CNTNAP5: variants seen among roughly 807,000 people sequenced by gnomAD.
The protein encoded by CNTNAP5 is contactin-associated protein-like 5.
CNTNAP5 carries 72 observed loss-of-function variants against 150.2 expected under a neutral mutation model. The observed-to-expected ratio is 0.48, with a 90% CI of 0.40 to 0.58. The LOEUF is 0.58. Among genes scored for constraint, CNTNAP5 ranks in the 20% least tolerant of loss-of-function variants. CNTNAP5 has a pLI of 0.00. For synonymous variants in CNTNAP5, 672 were observed against 619.8 expected, an observed-to-expected ratio of 1.08 and a Z score of -1.25; for missense variants, 1,636 against 1,626.2, an observed-to-expected ratio of 1.01 and a Z score of -0.10.
At chr2:124,261,537 A>C (rs1183168651) in intron 3 of CNTNAP5, among the ~76,000 whole-genome samples, 2 of 152,058 alleles carry the variant, frequency 1.3e-5, no homozygotes, top group Non-Finnish European at 2.9e-5. Context: ...ATTTCCCAAT[A>C]CCCCTACTCC....
intron 11 of CNTNAP5, among the ~76,000 whole-genome samples, chr2:124,587,506 T>C (rs1156482568): frequency 6.6e-6 from 1 of 152,230 alleles, no homozygotes; most frequent in African/African-American, 2.4e-5. Flanking sequence ...CAAATTCTAG[T>C]GTGCATAAAT....
chr2:124,745,917 G>C (rs1680594237), intron 13 of CNTNAP5, among the ~76,000 whole-genome samples: 1 of 152,206 alleles, frequency 6.6e-6, no homozygotes, highest in African/African-American at 2.4e-5. Flanking sequence ...CTTTCATGGG[G>C]ATGATAGCCT....
At chr2:124,871,804 C>A (rs576575608) in intron 21 of CNTNAP5, among the ~76,000 whole-genome samples, 1 of 152,082 alleles carries the variant, frequency 6.6e-6, no homozygotes, top group African/African-American at 2.4e-5. Flanking sequence ...AAATATCTTA[C>A]TTGATATTTT....
chr2:124,594,490 A>G (rs1197193660), intron 11 of CNTNAP5, among the ~76,000 whole-genome samples: 3 of 151,528 alleles, frequency 2.0e-5, no homozygotes, highest in African/African-American at 7.3e-5. Flanking sequence ...TGTTCCATTG[A>G]TCTATATCTC....
intron 3 of CNTNAP5, among the ~76,000 whole-genome samples, chr2:124,341,525 C>T (rs1689614160): frequency 1.3e-5 from 2 of 152,110 alleles, no homozygotes; most frequent in South Asian, 4.1e-4. Flanking sequence ...AACAAGCCTT[C>T]CATTTCTGGG....
chr2:124,646,697 T>A (rs1573519913), intron 12 of CNTNAP5, among the ~76,000 whole-genome samples: 1 of 152,334 alleles, frequency 6.6e-6, no homozygotes. Flanking sequence ...AGATAGAGCC[T>A]TGCAACTTTG....
chr2:124,839,571 T>C (rs1219303513), intron 19 of CNTNAP5, among the ~76,000 whole-genome samples: 1 of 152,072 alleles, frequency 6.6e-6, no homozygotes, highest in Non-Finnish European at 1.5e-5. Flanking sequence ...CCTCCAATCC[T>C]TCTTTACCCT....
At chr2:124,759,795 C>T (rs1024948679) in intron 14 of CNTNAP5, among the ~76,000 whole-genome samples, 1 of 151,884 alleles carries the variant, frequency 6.6e-6, no homozygotes, top group Non-Finnish European at 1.5e-5. Context: ...CCCTCCCACC[C>T]ACCCCTGTGT....
chr2:124,443,135 C>T (rs902462407), intron 5 of CNTNAP5, among the ~76,000 whole-genome samples: 3 of 151,684 alleles, frequency 2.0e-5, no homozygotes, highest in Non-Finnish European at 2.9e-5. Context: ...TAAAGTATCT[C>T]AACAGTTTTA....
chr2:124,194,669 A>G (rs1051514298), intron 1 of CNTNAP5, among the ~76,000 whole-genome samples: 24 of 150,628 alleles, frequency 1.6e-4, no homozygotes, highest in Middle Eastern at 3.6e-3. Context: ...CCACATTATA[A>G]CAATGAAATA....
At chr2:124,881,514 T>C (rs565504545) in intron 21 of CNTNAP5, among the ~76,000 whole-genome samples, 1 of 152,202 alleles carries the variant, frequency 6.6e-6, no homozygotes, top group South Asian at 2.1e-4. Flanking sequence ...ATTATAAAGC[T>C]GATACCTTAC....
rs909253402 is a variant in CNTNAP5, at chr2:124,777,594, G to C, written c.2752+4577G>C. Among the ~76,000 whole-genome samples, 8 of 152,052 alleles carry C rather than the reference G, an allele frequency of 5.3e-5. 1 individual carries two copies. In the South Asian group the frequency reaches 1.2e-3, roughly 24 times the overall value. On this transcript the variant is annotated intron_variant, in intron 17 of 23. Transcript: ENST00000682447. ...GATAGGGTTTCACCTTGTTGCCCAG[G>C]CTGGTCTCCAATTCCTGGGCTCAAA...
chr2:124,417,724 A>T, intron 4 of CNTNAP5, 134 bp downstream of exon 4: 1 of 865,770 alleles, frequency 1.2e-6, no homozygotes, highest in South Asian at 1.8e-5. Context: ...GCATATTTAA[A>T]AATGTTCAAT....
At chr2:124,558,477 C>T (rs977541627) in intron 10 of CNTNAP5, among the ~76,000 whole-genome samples, 3 of 135,088 alleles carry the variant, frequency 2.2e-5, no homozygotes, top group African/African-American at 5.5e-5. Flanking sequence ...CAGACAGCTG[C>T]GTAGAGGAGT....
At chr2:124,613,259 G>T (rs1160663194) in intron 12 of CNTNAP5, among the ~76,000 whole-genome samples, 1 of 152,168 alleles carries the variant, frequency 6.6e-6, no homozygotes, top group Admixed American at 6.5e-5. Context: ...GTGACACAGT[G>T]GTCCAGGGAA....
At chr2:124,474,585 C>A (rs761018460) in intron 6 of CNTNAP5, among the ~76,000 whole-genome samples, 154 bp from the exon 7 acceptor site, 4 of 152,064 alleles carry the variant, frequency 2.6e-5, no homozygotes, top group Non-Finnish European at 1.5e-5. Context: ...TAATCAGTAT[C>A]CTTTTAAATG....
chr2:124,869,871 A>G, intron 21 of CNTNAP5, 109 bp downstream of exon 21: 1 of 569,564 alleles, frequency 1.8e-6, no homozygotes, highest in South Asian at 3.3e-5. Flanking sequence ...TTGCTCCCAT[A>G]ATATCTGAGA....
At position 124,769,127 on chromosome 2, in the gene CNTNAP5, A is replaced by G. The variant is rs184667097; in HGVS notation, c.2534-3672A>G. ...GTGTGGTTCCGTCTTCATGGAGCTC[A>G]GGACTGAGTGCTGGGAGAAGTGCAG... On this transcript the variant is annotated intron_variant, in intron 16 of 23. Coordinates refer to ENST00000682447, the MANE Select transcript of CNTNAP5 (RefSeq NM_001367498.1). 1.8e-3 allele frequency among the ~76,000 whole-genome samples: 279 copies of G among 152,166 alleles called. 1 individual carries two copies. The Middle Eastern group carries it at 0.02, about 11-fold the overall frequency.
At chr2:124,366,278 A>C (rs1292755137) in intron 3 of CNTNAP5, among the ~76,000 whole-genome samples, 1 of 152,156 alleles carries the variant, frequency 6.6e-6, no homozygotes, top group Non-Finnish European at 1.5e-5. Flanking sequence ...GGTACCCAGC[A>C]CCTTATGAAG....
Sources: allele counts gnomAD v4.1 joint callset (sites outside exome capture counted in the v4.1 genomes callset), GRCh38; gene constraint gnomAD v4.1.1; transcripts MANE v1.5; gene names NCBI Gene and HGNC (gene_info 2026-07-23, HGNC 2026-07-21).